The following AURKB variants were observed in gnomAD, a reference collection of about 807,000 sequenced individuals.
The protein encoded by AURKB is aurora kinase B-Sv1.
A neutral mutation model predicts 36.5 loss-of-function variants in AURKB; 28 were observed. That is an observed-to-expected ratio of 0.77 (90% confidence interval 0.57 to 1.05). The LOEUF is 1.05. Among genes scored for constraint, AURKB ranks in the 50% least tolerant of loss-of-function variants. AURKB has a pLI of 0.00. For missense variants in AURKB, 383 were observed against 447.4 expected (o/e 0.86, Z 1.30); for synonymous variants, 175 against 172.9 (o/e 1.01, Z -0.09).
At position 8,207,800 on chromosome 17, in the gene AURKB, C is replaced by T. The variant is rs780771169; in HGVS notation, c.89G>A (p.Arg30Gln). ...GLSTLPQRVL[R>Q]KEPVTPSALV... ...TGCAGATGGGGTGACAGGCTCTTTCCGGAGGACTCGCTGGGGCAGGGTGCT... is the reference window on the plus strand; with the variant it reads ...TGCAGATGGGGTGACAGGCTCTTTCTGGAGGACTCGCTGGGGCAGGGTGCT... The change falls in exon 3 of 9, where the codon CGG (arginine) becomes CAG (glutamine). Residue 30 changes from arginine (R) to glutamine (Q), a missense_variant. By Grantham distance (43) the Arg-to-Gln change is conservative. Transcript: ENST00000585124. 1.4e-5 allele frequency: 23 copies of T among 1,613,874 alleles called. No homozygotes were observed. The highest frequency in any genetic ancestry group is 6.7e-5 in the East Asian group (3 of 44,886).
chr17:8,207,098 C>A, intron 5 of AURKB, 78 bp downstream of exon 5: 4 of 1,523,844 alleles, frequency 2.6e-6, no homozygotes, highest in Non-Finnish European at 2.7e-6. Flanking sequence ...AGAAAGCAAT[C>A]TGGATGAAGT....
Position 8,206,609 on chromosome 17 carries a change from A to G in AURKB, c.568T>C (p.Tyr190His). 1 of 1,614,178 alleles carries G rather than the reference A, an allele frequency of 6.2e-7. No homozygotes were observed. The highest frequency in any genetic ancestry group is 8.5e-7 in the Non-Finnish European group (1 of 1,180,030). The change falls in exon 7 of 9, where the codon TAC (tyrosine) becomes CAC (histidine). Residue 190 changes from tyrosine (Y) to histidine (H), a missense_variant. By Grantham distance (83) the Tyr-to-His change is moderately conservative. Coordinates refer to ENST00000585124, the MANE Select transcript of AURKB (RefSeq NM_004217.4). The surrounding 1 kb of genome is among the most constrained non-coding windows in gnomAD (Gnocchi z 4.2). ...TGAATCACCTTCTTCCCATGGCAGTACATTAGAGCATCTGCCAACTCCTCC... is the reference window on the plus strand; with the variant it reads ...TGAATCACCTTCTTCCCATGGCAGTGCATTAGAGCATCTGCCAACTCCTCC... ...IMEELADALM[Y>H]CHGKKVIHRD...
At chr17:8,209,423 T>C (rs1301643496) in intron 2 of AURKB, among the ~76,000 whole-genome samples, 1 of 152,208 alleles carries the variant, frequency 6.6e-6, no homozygotes, top group East Asian at 1.9e-4. Flanking sequence ...CAGTGCTCCA[T>C]GAGGGAGGGA....
At position 8,206,350 on chromosome 17, in the gene AURKB, C is replaced by G; in HGVS notation, c.686+141G>C. The G allele has an allele frequency of 9.8e-7, 1 of 1,015,548 alleles. No individual in the cohort carries two copies. The highest frequency in any genetic ancestry group is 1.7e-5 in the South Asian group (1 of 58,154). 62.9% of individuals were successfully genotyped at this position (1,015,548 alleles called of 1,614,324 possible). ...TTCATCATGTTGGCAAATCTAGTCT[C>G]GAACTCCTGACCTCAGGTGATCCGC... is the stretch of plus-strand genomic sequence containing the variant. On this transcript the variant is annotated intron_variant, in intron 7 of 8. Transcript: ENST00000585124. This position sits in a 1 kb window ranked among gnomAD's most constrained non-coding sequence, Gnocchi z 4.2.
At chr17:8,207,521 C>A in intron 4 of AURKB, 50 bp downstream of exon 4, 1 of 1,598,926 alleles carries the variant, frequency 6.3e-7, no homozygotes, top group Non-Finnish European at 8.6e-7. Flanking sequence ...GACTTCCTGC[C>A]TGTTCATTGT....
chr17:8,210,097 C>T (rs1417034787), intron 2 of AURKB, 80 bp downstream of exon 2: 4 of 1,539,524 alleles, frequency 2.6e-6, no homozygotes, highest in African/African-American at 1.4e-5. Context: ...AAGGATTGCT[C>T]ATTGCAGGAT....
At chr17:8,210,432 C>A in intron 1 of AURKB, 98 bp downstream of exon 1, 1 of 585,274 alleles carries the variant, frequency 1.7e-6, no homozygotes, top group Non-Finnish European at 3.0e-6. Context: ...CTCCTTCCAG[C>A]CCTGCGGCGT....
chr17:8,207,630 G>A lies in AURKB; in HGVS notation c.152-5C>T, dbSNP rs368223466. On this transcript the variant is annotated splice_polypyrimidine_tract_variant and splice_region_variant and intron_variant, in intron 3 of 8. Coordinates refer to ENST00000585124, the MANE Select transcript of AURKB (RefSeq NM_004217.4). ...TCACCTTCTGGCCAGGGGCAGCTAA[G>A]GAGAGAACAGGTAGGTTGAATGCGA... 269 of 1,613,892 alleles carry A rather than the reference G, an allele frequency of 1.7e-4. No individual in the cohort carries two copies. Among genetic ancestry groups the A allele is most frequent in the Non-Finnish European group, 2.2e-4 (260 of 1,179,906 alleles).
rs761495161 is a variant in AURKB at position 8,207,821 on chromosome 17, GTGC to G, written c.65_67del (p.Ser22del). ...TTTCCGGAGGACTCGCTGGGGCAGG[GTGC>G]TCAGGCCAGATGGAGCCTGAGAAGG... On this transcript the variant is annotated inframe_deletion, in exon 3 of 9. Transcript: ENST00000585124. The G allele has an allele frequency of 4.3e-6, 7 of 1,613,642 alleles. No individual in the cohort carries two copies. Among genetic ancestry groups the G allele is most frequent in the African/African-American group, 1.3e-5 (1 of 74,916 alleles).
Position 8,205,883 on chromosome 17 carries a change from G to A in AURKB, c.687-493C>T, listed in dbSNP as rs192432138. Among the ~76,000 whole-genome samples, 832 of 152,090 alleles carry A rather than the reference G, an allele frequency of 5.5e-3. 2 individuals carry two copies. The highest frequency in any genetic ancestry group is 0.019 in the African/African-American group (778 of 41,458). On this transcript the variant is annotated intron_variant, in intron 7 of 8. Coordinates refer to ENST00000585124, the MANE Select transcript of AURKB (RefSeq NM_004217.4). ...ATGTCTCAGCCTCCCGAACAGCTGG[G>A]ATTACAAGTGTGCACCACCATGTCT...
chr17:8,207,672 C>A (rs1186258238), intron 3 of AURKB, 47 bp from the exon 4 acceptor site: 1 of 1,613,738 alleles, frequency 6.2e-7, no homozygotes, highest in Non-Finnish European at 8.5e-7. Flanking sequence ...ATGACCTTCT[C>A]ATCCCTAAAC....
chr17:8,207,638 C>A lies in AURKB; in HGVS notation c.152-13G>T, dbSNP rs372429981. 4.5e-5 allele frequency: 73 copies of A among 1,613,842 alleles called. No homozygotes were observed. Among genetic ancestry groups the A allele is most frequent in the Non-Finnish European group, 6.0e-5 (71 of 1,179,896 alleles). On this transcript the variant is annotated splice_polypyrimidine_tract_variant and intron_variant, in intron 3 of 8. Coordinates refer to ENST00000585124, the MANE Select transcript of AURKB (RefSeq NM_004217.4). ...TGGCCAGGGGCAGCTAAGGAGAGAA[C>A]AGGTAGGTTGAATGCGAACAGGGAT...
Position 8,207,239 on chromosome 17 carries a change from T to A in AURKB, c.335A>T (p.Gln112Leu). Reference sequence around the variant, plus strand: ...ATGCTCCACGCCCTCCTTCTCTATCTGGGACTTGAAGAGGACCTTGAGCGC... The same window carrying A: ...ATGCTCCACGCCCTCCTTCTCTATCAGGGACTTGAAGAGGACCTTGAGCGC... ...IVALKVLFKS[Q>L]IEKEGVEHQL... The change falls in exon 5 of 9, where the codon CAG becomes CTG. Residue 112 changes from glutamine to leucine, a missense_variant. Gln to Leu is a moderately radical substitution (Grantham distance 113). Transcript: ENST00000585124. 6.2e-7 allele frequency: 1 copy of A among 1,614,190 alleles called. No homozygotes were observed. Among genetic ancestry groups the A allele is most frequent in the South Asian group, 1.1e-5 (1 of 91,076 alleles).
At position 8,207,847 on chromosome 17, in the gene AURKB, AG is replaced by A; in HGVS notation, c.49-8del. On this transcript the variant is annotated splice_polypyrimidine_tract_variant and splice_region_variant and intron_variant, in intron 2 of 8. Transcript: ENST00000585124. ...TGCTCAGGCCAGATGGAGCCTGAGA[AG>A]GAGCAGGGGGTAGCTCTGAGGGTGC... 6.2e-7 allele frequency: 1 copy of A among 1,609,696 alleles called. No individual in the cohort carries two copies. The highest frequency in any genetic ancestry group is 8.5e-7 in the Non-Finnish European group (1 of 1,177,812).
At chr17:8,205,160 C>T (rs1985056356) in intron 8 of AURKB, 56 bp downstream of exon 8, 3 of 1,563,756 alleles carry the variant, frequency 1.9e-6, no homozygotes, top group South Asian at 2.4e-5. Context: ...TGCCCACCCC[C>T]AGCCCCCCAG....
chr17:8,205,317 C>T lies in AURKB; in HGVS notation c.760G>A (p.Val254Met), dbSNP rs2151466760. 3.1e-6 allele frequency: 5 copies of T among 1,614,210 alleles called. No individual in the cohort carries two copies. The South Asian group carries it at 3.3e-5, about 11-fold the overall frequency. The change falls in exon 8 of 9, where the codon GTG (valine) becomes ATG (methionine). Residue 254 changes from valine to methionine, a missense_variant. Val to Met is a conservative substitution (Grantham distance 21, BLOSUM62 1). Around this residue, in one of 3 missense-constraint regions of AURKB, gnomAD observed 219 missense variants for 252.6 expected, o/e 0.87. Coordinates refer to ENST00000585124, the MANE Select transcript of AURKB (RefSeq NM_004217.4). ...AGCACTCCAATGCACCACAGATCCA[C>T]CTTCTCATTGTGCATGCGCCCCTCA... ...MIEGRMHNEKVDLWCIGVLCY... is the reference protein window; with the variant it reads ...MIEGRMHNEKMDLWCIGVLCY...
chr17:8,205,184 C>T (rs766581346), intron 8 of AURKB, 32 bp downstream of exon 8: 1 of 1,589,724 alleles, frequency 6.3e-7, no homozygotes, highest in South Asian at 1.1e-5. Context: ...CTGGCTTCAG[C>T]AGCTGGCACG....
chr17:8,209,052 G>A (rs1360243037), intron 2 of AURKB, among the ~76,000 whole-genome samples: 3 of 143,280 alleles, frequency 2.1e-5, no homozygotes, highest in Non-Finnish European at 4.5e-5. Context: ...ATGGAGTCTC[G>A]CTCTATTACC....
rs975769353 is a variant in AURKB at position 8,206,666 on chromosome 17, G to A, written c.538-27C>T. 6.2e-7 allele frequency: 1 copy of A among 1,614,024 alleles called. No individual in the cohort carries two copies. Among genetic ancestry groups the A allele is most frequent in the South Asian group, 1.1e-5 (1 of 91,088 alleles). ...TGGGAGGGGCAACGACAGGCAATCA[G>A]ACAAGGATGGACCTCCAGCTACAAG... On this transcript the variant is annotated intron_variant, in intron 6 of 8. Coordinates refer to ENST00000585124, the MANE Select transcript of AURKB (RefSeq NM_004217.4). The surrounding 1 kb of genome is among the most constrained non-coding windows in gnomAD (Gnocchi z 4.2).
Sources: allele counts gnomAD v4.1 joint callset (sites outside exome capture counted in the v4.1 genomes callset), GRCh38; gene constraint gnomAD v4.1.1; regional missense constraint gnomAD v4.1.1; non-coding constraint Gnocchi (gnomAD v3.1); transcripts MANE v1.5; gene names NCBI Gene and HGNC (gene_info 2026-07-23, HGNC 2026-07-21).